Variants in NAALADL2 observed in about 807,000 individuals in gnomAD.
The protein encoded by NAALADL2 is N-acetylated alpha-linked acidic dipeptidase like 2, also known as inactive N-acetylated-alpha-linked acidic dipeptidase-like protein 2.
NAALADL2 carries 76 observed loss-of-function variants against 87.2 expected under a neutral mutation model. The ratio of observed to expected loss-of-function variants is 0.87; its 90% CI spans 0.72 to 1.05. The LOEUF (loss-of-function observed/expected upper bound fraction) is 1.05, where lower values mean the gene tolerates loss of function less well. NAALADL2 is among the 50% of genes least tolerant of loss of function. The probability of loss-of-function intolerance (pLI) is 0.00; values close to 1 mark genes in which losing one functional copy is unlikely to be tolerated. For synonymous variants in NAALADL2, 354 were observed against 331.0 expected, an observed-to-expected ratio of 1.07 and a Z score of -0.75; for missense variants, 1,089 against 945.8, an observed-to-expected ratio of 1.15 and a Z score of -1.99.
chr3:175,002,220 T>C (rs1748344477), intron 1 of NAALADL2, among the ~76,000 whole-genome samples: 1 of 152,194 alleles, frequency 6.6e-6, no homozygotes. Flanking sequence ...GACTTGCAGA[T>C]ACCCCTATGG....
intron 2 of NAALADL2, among the ~76,000 whole-genome samples, chr3:174,686,261 GCTGAAC>G (rs1728033090): frequency 6.6e-6 from 1 of 152,004 alleles, no homozygotes; most frequent in African/African-American, 2.4e-5. Context: ...TTCTGCAATG[GCTGAAC>G]TAATTTACAC....
chr3:174,452,406 T>C (rs1240436801), intron 1 of NAALADL2, among the ~76,000 whole-genome samples: 1 of 152,186 alleles, frequency 6.6e-6, no homozygotes, highest in Non-Finnish European at 1.5e-5. Flanking sequence ...AGCACCCTGC[T>C]GCACCTAACA....
At chr3:174,517,716 C>T (rs763788194) in intron 1 of NAALADL2, among the ~76,000 whole-genome samples, 5 of 151,944 alleles carry the variant, frequency 3.3e-5, no homozygotes, top group Non-Finnish European at 7.4e-5. Flanking sequence ...TAAATAAAGA[C>T]CTGTGATTAC....
chr3:175,542,657 G>A (rs1264823656), intron 9 of NAALADL2, among the ~76,000 whole-genome samples: 1 of 152,148 alleles, frequency 6.6e-6, no homozygotes, highest in Non-Finnish European at 1.5e-5. Flanking sequence ...ACTGCACCCG[G>A]CCTTGTATTT....
intron 10 of NAALADL2, among the ~76,000 whole-genome samples, chr3:175,595,063 T>A (rs1582552207): frequency 1.3e-5 from 2 of 152,068 alleles, no homozygotes; most frequent in East Asian, 3.9e-4. Flanking sequence ...TAGCCAAAAA[T>A]TCTTTGTCAC....
chr3:174,580,346 C>T (rs532029995), intron 2 of NAALADL2, among the ~76,000 whole-genome samples: 27 of 152,078 alleles, frequency 1.8e-4, no homozygotes, highest in African/African-American at 6.5e-4. Flanking sequence ...GAGAAACAAA[C>T]GTATGGCTAA....
intron 10 of NAALADL2, among the ~76,000 whole-genome samples, chr3:175,620,261 C>T (rs1184418840): frequency 6.6e-6 from 1 of 152,176 alleles, no homozygotes; most frequent in African/African-American, 2.4e-5. Context: ...GCCCACTCGA[C>T]CTGGCAGGCT....
chr3:175,310,086 G>A (rs1489900780), intron 4 of NAALADL2, among the ~76,000 whole-genome samples: 1 of 152,112 alleles, frequency 6.6e-6, no homozygotes, highest in Non-Finnish European at 1.5e-5. Flanking sequence ...AAGATTTGAA[G>A]TTTTTATGAT....
chr3:174,552,774 C>T (rs1712280291), intron 2 of NAALADL2, among the ~76,000 whole-genome samples: 2 of 120,128 alleles, frequency 1.7e-5, no homozygotes, highest in African/African-American at 3.3e-5. Context: ...CCAGCATGGG[C>T]AGCAGAGTGA....
chr3:174,644,310 A>G (rs1289756249), intron 2 of NAALADL2, among the ~76,000 whole-genome samples: 1 of 152,222 alleles, frequency 6.6e-6, no homozygotes, highest in East Asian at 1.9e-4. Context: ...TCTATTATAT[A>G]CCATATTCTT....
intron 10 of NAALADL2, among the ~76,000 whole-genome samples, chr3:175,605,119 G>C (rs1723507815): frequency 6.6e-6 from 1 of 152,140 alleles, no homozygotes; most frequent in South Asian, 2.1e-4. Flanking sequence ...ACTCTTACCA[G>C]AATCAGCAGA....
intron 1 of NAALADL2, among the ~76,000 whole-genome samples, chr3:174,475,991 CTGT>C (rs1560005308): frequency 1.4e-4 from 22 of 152,034 alleles, no homozygotes; most frequent in Non-Finnish European, 1.0e-4. Context: ...AAACATAACA[CTGT>C]ATTAGATCTT....
intron 2 of NAALADL2, among the ~76,000 whole-genome samples, chr3:174,590,246 A>T (rs1474846451): frequency 6.6e-6 from 1 of 151,986 alleles, no homozygotes; most frequent in African/African-American, 2.4e-5. Context: ...TTCTTGTCCC[A>T]TCCTAAACAT....
At chr3:175,094,692 G>C (rs771844926) in intron 1 of NAALADL2, among the ~76,000 whole-genome samples, 2 of 150,254 alleles carry the variant, frequency 1.3e-5, no homozygotes, top group African/African-American at 4.9e-5. Context: ...AGTATAACAT[G>C]GTGATTTTTA....
At chr3:175,267,023 A>T (rs1467987066) in intron 4 of NAALADL2, among the ~76,000 whole-genome samples, 2 of 116,854 alleles carry the variant, frequency 1.7e-5, no homozygotes, top group Non-Finnish European at 3.6e-5. Flanking sequence ...TTAGCTTTAG[A>T]GTAAAACTAG....
intron 1 of NAALADL2, among the ~76,000 whole-genome samples, chr3:174,461,164 C>T (rs1354109592): frequency 6.6e-6 from 1 of 152,106 alleles, no homozygotes; most frequent in South Asian, 2.1e-4. Flanking sequence ...AGTACTCATT[C>T]AGTGTACAGT....
chr3:175,195,192 T>C (rs913071350), intron 2 of NAALADL2, among the ~76,000 whole-genome samples: 2 of 151,810 alleles, frequency 1.3e-5, no homozygotes, highest in African/African-American at 2.4e-5. Flanking sequence ...TTCCAATCAC[T>C]TTTTAAATTC....
intron 10 of NAALADL2, among the ~76,000 whole-genome samples, chr3:175,623,004 T>C (rs1370887138): frequency 6.6e-6 from 1 of 152,016 alleles, no homozygotes; most frequent in African/African-American, 2.4e-5. Context: ...AAACAATATA[T>C]TGGACAATTT....
At chr3:175,287,297 A>G (rs1232154174) in intron 4 of NAALADL2, among the ~76,000 whole-genome samples, 1 of 152,192 alleles carries the variant, frequency 6.6e-6, no homozygotes. Context: ...ATTATGAATA[A>G]ACATTTCACA....
Sources: allele counts gnomAD v4.1 joint callset (sites outside exome capture counted in the v4.1 genomes callset), GRCh38; gene constraint gnomAD v4.1.1; transcripts MANE v1.5; gene names NCBI Gene and HGNC (gene_info 2026-07-23, HGNC 2026-07-21).